The following EGFLAM variants were observed in gnomAD, a reference collection of about 807,000 sequenced individuals.
The protein encoded by EGFLAM is EGF like, fibronectin type III and laminin G domains.
In EGFLAM, 79 loss-of-function variants were observed where a neutral mutation model predicts 113.1. The observed-to-expected ratio is 0.70, with a 90% CI of 0.58 to 0.84. EGFLAM has a LOEUF of 0.84. Ranked by LOEUF, EGFLAM falls within the 40% of genes least tolerant of loss-of-function variation. The probability of loss-of-function intolerance (pLI) is 0.00; values close to 1 mark genes in which losing one functional copy is unlikely to be tolerated. For synonymous variants in EGFLAM, 504 were observed against 487.6 expected (o/e 1.03, Z -0.44); for missense variants, 1,265 against 1,291.6 (o/e 0.98, Z 0.32).
chr5:38,407,879 G>A lies in EGFLAM; in HGVS notation c.1222G>A (p.Ala408Thr), dbSNP rs144280109. Residue 408 changes from alanine to threonine, a missense_variant, in exon 9 of 22, where the codon GCA becomes ACA. Coordinates refer to ENST00000322350, the MANE Select transcript of EGFLAM (RefSeq NM_152403.4). ...TGAACCTCTGAAGAATTCTTATCAG[G>A]CATTTCAAATTACTCTTGAATTTAG... ...TFEPLKNSYQ[A>T]FQITLEFRAE... 1.2e-6 allele frequency: 2 copies of A among 1,613,142 alleles called. No individual in the cohort carries two copies. The highest frequency in any genetic ancestry group is 8.5e-7 in the Non-Finnish European group (1 of 1,179,330).
intron 1 of EGFLAM, among the ~76,000 whole-genome samples, chr5:38,276,804 T>A (rs939940818): frequency 5.3e-5 from 8 of 151,834 alleles, no homozygotes; most frequent in Admixed American, 1.3e-4. Context: ...CACCAACAAA[T>A]TGGACAATCT....
intron 6 of EGFLAM, chr5:38,402,131 AT>A (rs1379922401): frequency 6.6e-6 from 1 of 152,268 alleles, no homozygotes; most frequent in African/African-American, 2.4e-5. Flanking sequence ...GGGAAAAAGC[AT>A]TAACCAAAAT....
At chr5:38,433,860 C>G (rs1203015816) in intron 15 of EGFLAM, among the ~76,000 whole-genome samples, 1 of 152,208 alleles carries the variant, frequency 6.6e-6, no homozygotes, top group East Asian at 1.9e-4. Context: ...GAAGAACCCT[C>G]AAAGCTGCCG....
chr5:38,272,587 T>C (rs1032426816), intron 1 of EGFLAM, among the ~76,000 whole-genome samples: 1 of 152,236 alleles, frequency 6.6e-6, no homozygotes, highest in Non-Finnish European at 1.5e-5. Flanking sequence ...ATCAATTCTG[T>C]ATTCCCTTGA....
At chr5:38,261,731 T>C (rs16903908) in intron 1 of EGFLAM, among the ~76,000 whole-genome samples, 19,191 of 152,202 alleles carry the variant, frequency 0.13, 2,100 homozygotes, top group African/African-American at 0.3. Context: ...GATCTGCCCA[T>C]GCCTGCTAAG....
At chr5:38,400,384 G>T (rs539809513) in intron 6 of EGFLAM, among the ~76,000 whole-genome samples, 1 of 152,056 alleles carries the variant, frequency 6.6e-6, no homozygotes, top group African/African-American at 2.4e-5. Context: ...TGATTATTCT[G>T]GTTCTAATAA....
intron 19 of EGFLAM, among the ~76,000 whole-genome samples, chr5:38,457,597 G>T (rs1743131876): frequency 6.6e-6 from 1 of 152,102 alleles, no homozygotes; most frequent in African/African-American, 2.4e-5. Context: ...AATCCAGTAT[G>T]ACTTCATTTT....
intron 1 of EGFLAM, among the ~76,000 whole-genome samples, chr5:38,304,862 A>G (rs1037621143): frequency 1.3e-5 from 2 of 152,214 alleles, no homozygotes; most frequent in Admixed American, 6.5e-5. Context: ...GACAGATAAA[A>G]TACTACAACT....
At chr5:38,388,319 G>A (rs900708842) in intron 6 of EGFLAM, among the ~76,000 whole-genome samples, 3 of 152,186 alleles carry the variant, frequency 2.0e-5, no homozygotes, top group South Asian at 2.1e-4. Context: ...CTTAATGTCC[G>A]ATCAAAAAAT....
At chr5:38,293,528 C>T (rs1490351458) in intron 1 of EGFLAM, among the ~76,000 whole-genome samples, 1 of 152,178 alleles carries the variant, frequency 6.6e-6, no homozygotes, top group Non-Finnish European at 1.5e-5. Flanking sequence ...ATACTTTAAT[C>T]ATAAACAGTT....
chr5:38,278,046 A>C lies in EGFLAM; in HGVS notation c.97+19195A>C, dbSNP rs537611433. Among the ~76,000 whole-genome samples the C allele has an allele frequency of 5.9e-5, 9 of 152,308 alleles. No homozygotes were observed. The South Asian group carries it at 1.9e-3, about 32-fold the overall frequency. The stretch of plus-strand genomic sequence containing the variant: ...CAGAAATAGAAAAAAAAAATCCTAA[A>C]ATTTGTATGGAACCACAAAAGGCCC... On this transcript the variant is annotated intron_variant, in intron 1 of 21. Coordinates refer to ENST00000322350, the MANE Select transcript of EGFLAM (RefSeq NM_152403.4).
At chr5:38,312,285 A>G (rs1390508282) in intron 1 of EGFLAM, among the ~76,000 whole-genome samples, 1 of 148,074 alleles carries the variant, frequency 6.8e-6, no homozygotes, top group Non-Finnish European at 1.5e-5. Flanking sequence ...TCTGTCGCCC[A>G]GGCTGGAGTG....
chr5:38,349,952 TACACACACACACACAC>T (rs60439871), intron 3 of EGFLAM, among the ~76,000 whole-genome samples: 10 of 144,276 alleles, frequency 6.9e-5, no homozygotes, highest in Admixed American at 2.1e-4. Flanking sequence ...GCAGGGGAAG[TACACACACACACACAC>T]ACACACACAC....
At chr5:38,322,337 C>A (rs1738764335) in intron 1 of EGFLAM, among the ~76,000 whole-genome samples, 2 of 152,136 alleles carry the variant, frequency 1.3e-5, no homozygotes, top group Non-Finnish European at 2.9e-5. Context: ...TCATGAGTAC[C>A]CAAGGAGTGG....
At chr5:38,409,805 C>T (rs566469280) in intron 10 of EGFLAM, among the ~76,000 whole-genome samples, 13 of 152,182 alleles carry the variant, frequency 8.5e-5, no homozygotes, top group Non-Finnish European at 1.9e-4. Context: ...CTCCACTGCC[C>T]TCATCGTTTC....
chr5:38,449,991 A>G (rs537361578), intron 18 of EGFLAM, among the ~76,000 whole-genome samples: 3 of 152,306 alleles, frequency 2.0e-5, no homozygotes, highest in East Asian at 1.9e-4. Context: ...TAAGCTGCAC[A>G]TAAGATGACT....
chr5:38,404,070 C>T (rs1381685510), intron 6 of EGFLAM, among the ~76,000 whole-genome samples: 1 of 152,146 alleles, frequency 6.6e-6, no homozygotes, highest in Non-Finnish European at 1.5e-5. Context: ...GGGTCATCTG[C>T]ATCATCTGCT....
chr5:38,382,015 G>T (rs550413006), intron 6 of EGFLAM, among the ~76,000 whole-genome samples: 2 of 152,204 alleles, frequency 1.3e-5, no homozygotes, highest in Non-Finnish European at 2.9e-5. Flanking sequence ...AGGAGATGAC[G>T]TTAGAGAAAC....
At chr5:38,417,356 A>C (rs1338505111) in intron 11 of EGFLAM, among the ~76,000 whole-genome samples, 6 of 124,942 alleles carry the variant, frequency 4.8e-5, no homozygotes, top group Admixed American at 2.2e-4. Flanking sequence ...TCAAAAAAAA[A>C]AAAAAAAAAA....
Sources: gnomAD v4.1 joint callset for allele counts (sites outside exome capture counted in the v4.1 genomes callset) on GRCh38, gnomAD v4.1.1 for gene constraint, MANE v1.5 for transcripts, NCBI Gene and HGNC (gene_info 2026-07-23, HGNC 2026-07-21) for gene names.